The following NTN1 variants were observed in gnomAD, a reference collection of about 807,000 sequenced individuals.
NTN1 encodes netrin-1.
In NTN1, 11 loss-of-function variants were observed where a neutral mutation model predicts 54.2. That is an observed-to-expected ratio of 0.20 (90% CI 0.13 to 0.34). NTN1 has a LOEUF of 0.34. NTN1 is among the 10% of genes least tolerant of loss of function. The probability of loss-of-function intolerance (pLI) is 1.00; values close to 1 mark genes in which losing one functional copy is unlikely to be tolerated. For missense variants in NTN1, 740 were observed against 893.1 expected (o/e 0.83, Z 2.18); for synonymous variants, 371 against 382.0 (o/e 0.97, Z 0.33).
intron 2 of NTN1, among the ~76,000 whole-genome samples, chr17:9,025,049 T>C (rs2091865566): frequency 6.6e-6 from 1 of 152,224 alleles, no homozygotes; most frequent in South Asian, 2.1e-4. Context: ...TGCTATCAGT[T>C]TTAGTTTGTA....
intron 2 of NTN1, among the ~76,000 whole-genome samples, chr17:9,061,938 C>T (rs1018417965): frequency 1.3e-5 from 2 of 151,996 alleles, no homozygotes; most frequent in South Asian, 2.1e-4. Flanking sequence ...CTCCTGACCT[C>T]GTGATGCGCC....
At chr17:9,194,458 G>C (rs1314453246) in intron 5 of NTN1, among the ~76,000 whole-genome samples, 1 of 152,150 alleles carries the variant, frequency 6.6e-6, no homozygotes, top group Admixed American at 6.5e-5. Context: ...GGGGTCAGAG[G>C]GTGTGGAAAC....
chr17:9,060,138 A>G (rs1184925633), intron 2 of NTN1, among the ~76,000 whole-genome samples: 1 of 152,148 alleles, frequency 6.6e-6, no homozygotes, highest in African/African-American at 2.4e-5. Flanking sequence ...ATCCATTTAT[A>G]CATGGATTTT....
chr17:9,201,751 G>A (rs569354940), intron 5 of NTN1, among the ~76,000 whole-genome samples: 12 of 152,196 alleles, frequency 7.9e-5, no homozygotes, highest in South Asian at 6.2e-4. Flanking sequence ...ATTCTCTCAC[G>A]CCAGTTCCCA....
chr17:9,010,754 G>T, the NTN1 span, among the ~76,000 whole-genome samples: 264 of 152,254 alleles, frequency 1.7e-3, 3 homozygotes, highest in Non-Finnish European at 1.8e-4. Context: ...AGGGCTGTAG[G>T]GCAGCGGTCC....
At chr17:9,085,531 G>C (rs948254791) in intron 2 of NTN1, among the ~76,000 whole-genome samples, 2 of 152,214 alleles carry the variant, frequency 1.3e-5, no homozygotes, top group Non-Finnish European at 2.9e-5. Context: ...GTGGAGGATG[G>C]ATATTGGCAA....
Position 9,116,864 on chromosome 17 carries a change from G to A in NTN1, c.1019-45949G>A, listed in dbSNP as rs1027696141. ...GGCATATTCCACTCTATGAAAGGAC[G>A]AGTATGGGATTGAAATATTTGTAAG... On this transcript the variant is annotated intron_variant, in intron 2 of 6. Coordinates refer to ENST00000173229, the MANE Select transcript of NTN1 (RefSeq NM_004822.3). 2.6e-5 allele frequency among the ~76,000 whole-genome samples: 4 copies of A among 152,348 alleles called. No homozygotes were observed. In the East Asian group the frequency reaches 7.7e-4, roughly 29 times the overall value.
At chr17:9,079,091 G>A (rs1336881879) in intron 2 of NTN1, among the ~76,000 whole-genome samples, 1 of 152,200 alleles carries the variant, frequency 6.6e-6, no homozygotes, top group African/African-American at 2.4e-5. Flanking sequence ...CAGGAAGAGG[G>A]CCTGAGATGG....
At chr17:9,205,798 A>G (rs1249660871) in intron 5 of NTN1, among the ~76,000 whole-genome samples, 1 of 152,222 alleles carries the variant, frequency 6.6e-6, no homozygotes, top group African/African-American at 2.4e-5. Flanking sequence ...GTGACTTTGG[A>G]TGCTGAACAC....
intron 2 of NTN1, among the ~76,000 whole-genome samples, chr17:9,053,155 T>C (rs1437278860): frequency 6.6e-6 from 1 of 152,220 alleles, no homozygotes; most frequent in Admixed American, 6.5e-5. Context: ...TTATGTATTG[T>C]CTGTGGCCGC....
At chr17:9,143,953 A>G (rs538856141) in intron 2 of NTN1, among the ~76,000 whole-genome samples, 1 of 151,616 alleles carries the variant, frequency 6.6e-6, no homozygotes, top group African/African-American at 2.4e-5. Context: ...CTGGAGTGCA[A>G]TGGCACAATC....
rs1246307080 is a variant in NTN1, at chr17:9,241,357, C to T, written c.*1389C>T. 6.5e-6 allele frequency: 1 copy of T among 152,756 alleles called. No homozygotes were observed. 9.5% of individuals were successfully genotyped at this position (152,756 alleles called of 1,614,324 possible). On this transcript the variant is annotated 3_prime_UTR_variant, in exon 7 of 7. Transcript: ENST00000173229. ...CCTCCACTGTGCCCCAGCCCTCCTT[C>T]CAAAATCTCCTAGAGACACGGTCCT...
intron 6 of NTN1, among the ~76,000 whole-genome samples, chr17:9,232,741 C>G (rs1200916001): frequency 6.6e-6 from 1 of 152,122 alleles, no homozygotes; most frequent in African/African-American, 2.4e-5. Flanking sequence ...ACGGTGACCC[C>G]CCGTCCCGGG....
chr17:9,226,162 C>CGGGGGGGGGGGGG (rs71135953), intron 6 of NTN1, among the ~76,000 whole-genome samples: 1 of 116,454 alleles, frequency 8.6e-6, no homozygotes, highest in Non-Finnish European at 1.8e-5. Flanking sequence ...GATTTGGGGT[C>CGGGGGGGGGGGGG]GGGGGGGGGC....
chr17:9,124,074 C>T lies in NTN1; in HGVS notation c.1019-38739C>T, dbSNP rs141855389. 1.5e-3 allele frequency among the ~76,000 whole-genome samples: 226 copies of T among 152,302 alleles called. 5 individuals are homozygous for T. The highest frequency in any genetic ancestry group is 5.2e-3 in the African/African-American group (215 of 41,558). On this transcript the variant is annotated intron_variant, in intron 2 of 6. Transcript: ENST00000173229. Reference sequence around the variant, plus strand: ...GCCTGTCCCCTGACCCCAACCATCACGCAGTGCCTGCCACCTAGGAAAGGC... The same window carrying T: ...GCCTGTCCCCTGACCCCAACCATCATGCAGTGCCTGCCACCTAGGAAAGGC...
chr17:9,194,415 C>T (rs530160462), intron 5 of NTN1, among the ~76,000 whole-genome samples: 36 of 152,310 alleles, frequency 2.4e-4, no homozygotes, highest in Non-Finnish European at 3.8e-4. Flanking sequence ...GGCACTGCCA[C>T]GTCCAGTCCT....
At position 9,211,529 on chromosome 17, in the gene NTN1, C is replaced by T. The variant is rs559197979; in HGVS notation, c.1412-9639C>T. The stretch of plus-strand genomic sequence containing the variant: ...TCACCCAGTGCCTCCCAGAGCTGTT[C>T]ATGTGGGAAGTGCTTCATCAAACGT... On this transcript the variant is annotated intron_variant, in intron 5 of 6. Transcript: ENST00000173229. The surrounding 1 kb of genome is among the most constrained non-coding windows in gnomAD (Gnocchi z 4.4). Among the ~76,000 whole-genome samples the T allele has an allele frequency of 1.1e-3, 160 of 152,332 alleles. 2 individuals are homozygous for T. The highest frequency in any genetic ancestry group is 3.6e-3 in the African/African-American group (150 of 41,582).
At chr17:9,222,935 A>G (rs993001830) in intron 6 of NTN1, among the ~76,000 whole-genome samples, 8 of 152,184 alleles carry the variant, frequency 5.3e-5, no homozygotes, top group African/African-American at 1.9e-4. Context: ...CTACGCACAC[A>G]CTGAAGCCAG....
intron 6 of NTN1, among the ~76,000 whole-genome samples, chr17:9,231,694 G>T (rs1252734067): frequency 6.8e-6 from 1 of 147,778 alleles, no homozygotes; most frequent in African/African-American, 2.4e-5. Flanking sequence ...GAGGTTCTCA[G>T]CCGGGCCACT....
Sources: gnomAD v4.1 joint callset for allele counts (sites outside exome capture counted in the v4.1 genomes callset) on GRCh38, gnomAD v4.1.1 for gene constraint, Gnocchi (gnomAD v3.1) non-coding constraint, MANE v1.5 for transcripts, NCBI Gene and HGNC (gene_info 2026-07-23, HGNC 2026-07-21) for gene names.